The following GIGYF1 variants were observed in gnomAD, a reference collection of about 807,000 sequenced individuals.
GIGYF1 encodes GRB10 interacting GYF protein 1.
Under a neutral mutation model 147.1 loss-of-function variants are expected in GIGYF1, and 84 were observed. That is an observed-to-expected ratio of 0.57 (90% CI 0.48 to 0.68). The LOEUF is 0.68. GIGYF1 is among the 30% of genes least tolerant of loss of function. The pLI is 0.00. For synonymous variants in GIGYF1, 752 were observed against 589.5 expected (o/e 1.28, Z -3.99); for missense variants, 1,485 against 1,393.7 (o/e 1.07, Z -1.04).
Position 100,684,620 on chromosome 7 carries a change from G to A in GIGYF1, c.1463-4C>T, listed in dbSNP as rs374889895. On this transcript the variant is annotated splice_polypyrimidine_tract_variant and splice_region_variant and intron_variant, in intron 15 of 26. Coordinates refer to ENST00000678049, the MANE Select transcript of GIGYF1 (RefSeq NM_001375765.1). ...ATCTCCTGTGTCGTGAAGGGGCCTGGACAGGGAGCGAGGGAGCGGGAGAAC... is the reference window on the plus strand; with the variant it reads ...ATCTCCTGTGTCGTGAAGGGGCCTGAACAGGGAGCGAGGGAGCGGGAGAAC... The A allele has an allele frequency of 7.4e-6, 12 of 1,614,030 alleles. No homozygotes were observed. The highest frequency in any genetic ancestry group is 1.3e-5 in the African/African-American group (1 of 74,946).
At chr7:100,682,509 G>A (rs1804880484) in intron 23 of GIGYF1, 27 bp from the exon 24 acceptor site, 2 of 1,607,174 alleles carry the variant, frequency 1.2e-6, no homozygotes, top group African/African-American at 1.3e-5. Flanking sequence ...AGTCAGGGTT[G>A]GAAATCAGCT....
intron 3 of GIGYF1, 25 bp from the exon 4 acceptor site, chr7:100,688,332 G>T: frequency 9.2e-7 from 1 of 1,091,302 alleles, no homozygotes; most frequent in South Asian, 1.4e-5. Context: ...GGGCCATGAA[G>T]AACAGCACAC....
chr7:100,683,273 A>C (rs221793), intron 21 of GIGYF1, 31 bp downstream of exon 21: 1,476,651 of 1,613,550 alleles, frequency 0.92, 676,771 homozygotes, highest in East Asian at 1. Flanking sequence ...AGGGTTGTCC[A>C]CCCAGCCAGC....
At chr7:100,691,890 G>A (rs897097846) in intron 1 of GIGYF1, among the ~76,000 whole-genome samples, 2 of 152,266 alleles carry the variant, frequency 1.3e-5, no homozygotes, top group African/African-American at 4.8e-5. Context: ...GCGCCAGGGC[G>A]CGCGGGAAAG....
intron 3 of GIGYF1, 54 bp from the exon 4 acceptor site, chr7:100,688,361 G>A (rs977241311): frequency 1.7e-5 from 14 of 844,224 alleles, no homozygotes; most frequent in Admixed American, 8.5e-5. Flanking sequence ...ACTTTAAAGC[G>A]CAGGGAGGAC....
Position 100,683,422 on chromosome 7 carries a change from T to G in GIGYF1, c.2075A>C (p.Glu692Ala), listed in dbSNP as rs769715845. 6.2e-7 allele frequency: 1 copy of G among 1,614,044 alleles called. No homozygotes were observed. Among genetic ancestry groups the G allele is most frequent in the South Asian group, 1.1e-5 (1 of 91,088 alleles). The stretch of plus-strand genomic sequence containing the variant: ...CTCTTCCTCCCGCTTCGCCCTGAGC[T>G]CCACTTCTCTGCGCTCCTGGAACTG... ...QHKFQERREV[E>A]LRAKREEEER... The change falls in exon 21 of 27, where the codon GAG becomes GCG. Residue 692 changes from glutamate to alanine, a missense_variant. Transcript: ENST00000678049.
In GIGYF1 at chr7:100,686,030, C is replaced by T. The variant is rs1416438291; in HGVS notation, c.998G>A (p.Gly333Glu). Residue 333 changes from glycine to glutamate, a missense_variant, in exon 12 of 27, where the codon GGG (glycine) becomes GAG (glutamate). By Grantham distance (98) the Gly-to-Glu change is moderately conservative (BLOSUM62 -2). Coordinates refer to ENST00000678049, the MANE Select transcript of GIGYF1 (RefSeq NM_001375765.1). ...IPEEQELDFQ[G>E]LEEEEEPSEG... ...GGAAGGTTCCTCCTCCTCCTCCAAC[C>T]CTTGGAAGTCCAGCTCCTGCTCCTC... 1 of 1,612,230 alleles carries T rather than the reference C, an allele frequency of 6.2e-7. No individual in the cohort carries two copies. Among genetic ancestry groups the T allele is most frequent in the Non-Finnish European group, 8.5e-7 (1 of 1,179,718 alleles).
At chr7:100,683,999 G>A (rs778689843) in intron 18 of GIGYF1, 21 bp downstream of exon 18, 1 of 1,595,746 alleles carries the variant, frequency 6.3e-7, no homozygotes, top group Non-Finnish European at 8.5e-7. Context: ...TGTATCCTGA[G>A]GGCTCGCACG....
chr7:100,685,282 T>A, intron 13 of GIGYF1, 62 bp downstream of exon 13: 1 of 1,539,032 alleles, frequency 6.5e-7, no homozygotes, highest in Non-Finnish European at 8.7e-7. Flanking sequence ...CCCCCACGAG[T>A]GGGGAGCACT....
chr7:100,682,709 C>A lies in GIGYF1; in HGVS notation c.2481G>T (p.Gly827=). The A allele has an allele frequency of 6.3e-7, 1 of 1,585,460 alleles. No individual in the cohort carries two copies. Among genetic ancestry groups the A allele is most frequent in the Non-Finnish European group, 8.6e-7 (1 of 1,166,470 alleles). The change falls in exon 23 of 27, where the codon GGG becomes GGT. Residue 827 remains glycine, a synonymous_variant. Coordinates refer to ENST00000678049, the MANE Select transcript of GIGYF1 (RefSeq NM_001375765.1). ...WVSEAGPLWG[G]PDKSGGGSSG... is the part of the protein sequence containing the mutation. The stretch of plus-strand genomic sequence containing the variant: ...TGCTGCCGCCCCCACTCTTGTCTGG[C>A]CCGCCCCACAGTGGCCCAGCCTCAG...
chr7:100,686,496 G>A (rs1805354872), intron 10 of GIGYF1, 63 bp from the exon 11 acceptor site: 12 of 1,529,006 alleles, frequency 7.8e-6, no homozygotes, highest in Non-Finnish European at 9.6e-6. Context: ...GGCCCCCTCT[G>A]CTGCAGCTCA....
At chr7:100,685,618 AAC>A in intron 12 of GIGYF1, 137 bp from the exon 13 acceptor site, 2 of 935,724 alleles carry the variant, frequency 2.1e-6, no homozygotes, top group Non-Finnish European at 3.2e-6. Flanking sequence ...GGGTCAACTC[AAC>A]TAATGGCAGA....
At chr7:100,686,959 C>A in intron 9 of GIGYF1, 47 bp downstream of exon 9, 1 of 1,611,690 alleles carries the variant, frequency 6.2e-7, no homozygotes, top group Non-Finnish European at 8.5e-7. Context: ...GGCCACCCAT[C>A]TTGGTCCTCC....
rs769151234 is a variant in GIGYF1 at position 100,683,349 on chromosome 7, C to T, written c.2148G>A (p.Glu716=). Residue 716 remains glutamate, a synonymous_variant, in exon 21 of 27, where the codon GAG becomes GAA. Coordinates refer to ENST00000678049, the MANE Select transcript of GIGYF1 (RefSeq NM_001375765.1). ...EEKRRQQQQE[E]QKRRQEEEEL... ...CTTCCTCCTCCTGCCGCCGCTTCTG[C>T]TCCTCCTGCTGCTGCTGGCGGCGCT... The T allele has an allele frequency of 8.1e-6, 13 of 1,613,854 alleles. No individual in the cohort carries two copies. The South Asian group carries it at 1.1e-4, about 14-fold the overall frequency.
chr7:100,688,130 A>T lies in GIGYF1; in HGVS notation c.36-20T>A. ...CTGAGCCTGGACACAACACAGAGAG[A>T]AGAAGACAGAGGTCAGGGCAGCCTG... On this transcript the variant is annotated intron_variant, in intron 4 of 26. Transcript: ENST00000678049. 6.2e-7 allele frequency: 1 copy of T among 1,604,982 alleles called. No individual in the cohort carries two copies. Among genetic ancestry groups the T allele is most frequent in the Non-Finnish European group, 8.5e-7 (1 of 1,174,122 alleles).
Position 100,682,305 on chromosome 7 carries a change from G to A in GIGYF1, c.2761+17C>T, listed in dbSNP as rs1476274092. ...GAGACCCAGGTCCCGCCCACCTCCT[G>A]GGAGCCGCTCGCCCACCGTCCAGGC... On this transcript the variant is annotated intron_variant, in intron 24 of 26. Transcript: ENST00000678049. 3 of 1,609,902 alleles carry A rather than the reference G, an allele frequency of 1.9e-6. No individual in the cohort carries two copies.
Position 100,681,961 on chromosome 7 carries a change from C to A in GIGYF1, c.2958G>T (p.Thr986=). Residue 986 remains threonine, a synonymous_variant, in exon 26 of 27, where the codon ACG becomes ACT. Coordinates refer to ENST00000678049, the MANE Select transcript of GIGYF1 (RefSeq NM_001375765.1). ...EAWLSSASLQ[T]AFQANHSTKL... is the part of the protein sequence containing the mutation. ...TGGTGCTGTGGTTGGCCTGGAAGGC[C>A]GTCTGCAGCGAGGCGCTGCTCAGCC... 1 of 1,609,134 alleles carries A rather than the reference C, an allele frequency of 6.2e-7. No homozygotes were observed.
At chr7:100,687,204 T>C in intron 8 of GIGYF1, 94 bp downstream of exon 8, 1 of 1,456,192 alleles carries the variant, frequency 6.9e-7, no homozygotes, top group Non-Finnish European at 9.6e-7. Flanking sequence ...GGACAGGGCT[T>C]ATCTGGTGGG....
chr7:100,681,938 G>C lies in GIGYF1; in HGVS notation c.2981C>G (p.Thr994Ser). The part of the protein sequence containing the change: ...LQTAFQANHS[T>S]KLGPGEGSKA... ...GCTGCCCTCCCCGGGGCCGAGTTTG[G>C]TGCTGTGGTTGGCCTGGAAGGCCGT... The change falls in exon 26 of 27, where the codon ACC becomes AGC. Residue 994 changes from threonine to serine, a missense_variant. Transcript: ENST00000678049. 6.2e-7 allele frequency: 1 copy of C among 1,610,100 alleles called. No homozygotes were observed. The highest frequency in any genetic ancestry group is 8.5e-7 in the Non-Finnish European group (1 of 1,179,960).
Sources: allele counts gnomAD v4.1 joint callset (sites outside exome capture counted in the v4.1 genomes callset), GRCh38; gene constraint gnomAD v4.1.1; transcripts MANE v1.5; gene names NCBI Gene and HGNC (gene_info 2026-07-23, HGNC 2026-07-21).